SNX31: variants seen among roughly 807,000 people sequenced by gnomAD.
SNX31 encodes the protein sorting nexin-31.
Under a neutral mutation model 65.4 loss-of-function variants are expected in SNX31, and 58 were observed. The observed-to-expected ratio is 0.89, with a 90% CI of 0.72 to 1.10. SNX31 has a LOEUF of 1.10. Among genes scored for constraint, SNX31 ranks in the 50% least tolerant of loss-of-function variants. The pLI, the probability that SNX31 is intolerant of heterozygous loss-of-function variation, is 0.00. For missense variants in SNX31, 523 were observed against 529.7 expected (o/e 0.99, Z 0.12); for synonymous variants, 181 against 190.1 (o/e 0.95, Z 0.39).
chr8:100,607,771 T>A (rs961730257), intron 8 of SNX31, among the ~76,000 whole-genome samples: 1 of 152,226 alleles, frequency 6.6e-6, no homozygotes, highest in Non-Finnish European at 1.5e-5. Flanking sequence ...ATGTAACCCA[T>A]AAATATTATA....
rs750321853 is a variant in SNX31 at position 100,630,941 on chromosome 8, C to T, written c.257-550G>A. On this transcript the variant is annotated intron_variant, in intron 3 of 13. Coordinates refer to ENST00000311812, the MANE Select transcript of SNX31 (RefSeq NM_152628.4). The surrounding 1 kb of genome is among the most constrained non-coding windows in gnomAD (Gnocchi z 5.3). The stretch of plus-strand genomic sequence containing the variant: ...TAGCTGGGATTACAGGCACTCACCA[C>T]CATGCCCGGCTAATTTTTGTATTTT... Among the ~76,000 whole-genome samples the T allele has an allele frequency of 2.6e-5, 4 of 152,114 alleles. No homozygotes were observed. The highest frequency in any genetic ancestry group is 5.9e-5 in the Non-Finnish European group (4 of 68,030).
rs759634051 is a variant in SNX31, at chr8:100,600,424, T to C, written c.699A>G (p.Glu233=). 1.2e-6 allele frequency: 2 copies of C among 1,613,564 alleles called. No individual in the cohort carries two copies. Among genetic ancestry groups the C allele is most frequent in the Admixed American group, 1.7e-5 (1 of 59,924 alleles). The change falls in exon 9 of 14, where the codon GAA becomes GAG. Residue 233 remains glutamate (E), a synonymous_variant. Transcript: ENST00000311812. ...LLYMQAIQDI[E]KGWAKPTQAQ... The stretch of plus-strand genomic sequence containing the variant: ...CCTGTGTGGGTTTGGCCCATCCTTT[T>C]TCAATGTCCTGTATTGCCTTAAAAT...
chr8:100,594,247 T>A lies in SNX31; in HGVS notation c.978+2392A>T, dbSNP rs901527278. On this transcript the variant is annotated intron_variant, in intron 10 of 13. Coordinates refer to ENST00000311812, the MANE Select transcript of SNX31 (RefSeq NM_152628.4). This position sits in a 1 kb window ranked among gnomAD's most constrained non-coding sequence, Gnocchi z 4.0. The stretch of plus-strand genomic sequence containing the variant: ...TGAACCTGGGAGGTGGAGGCTGCAG[T>A]GAGCTGAAATTGCACCACTGCACTC... 2.0e-5 allele frequency among the ~76,000 whole-genome samples: 3 copies of A among 152,132 alleles called. No homozygotes were observed. The highest frequency in any genetic ancestry group is 7.2e-5 in the African/African-American group (3 of 41,416).
rs148183846 is a variant in SNX31 at position 100,591,413 on chromosome 8, C to T, written c.979-2434G>A. 8.6e-3 allele frequency among the ~76,000 whole-genome samples: 1,285 copies of T among 149,610 alleles called. 21 individuals are homozygous for T. Among genetic ancestry groups the T allele is most frequent in the African/African-American group, 0.029 (1,169 of 40,706 alleles). ...CTGAGGCAGGAGAACGGCTTGAACC[C>T]GGGAGGCGGAGCTTGCAGTGAGCCG... On this transcript the variant is annotated intron_variant, in intron 10 of 13. Coordinates refer to ENST00000311812, the MANE Select transcript of SNX31 (RefSeq NM_152628.4).
At position 100,635,967 on chromosome 8, in the gene SNX31, C is replaced by G. The variant is rs750577759; in HGVS notation, c.186G>C (p.Lys62Asn). The part of the protein sequence containing the change: ...FGNCLPPFPP[K>N]YYLAMTTAMA... ...TAGCTGTGGTCATTGCCAGATAGTA[C>G]TTTGGTGGGAAGGGTGGCAGGCAAT... The change falls in exon 3 of 14, where the codon AAG (lysine) becomes AAC (asparagine). Residue 62 changes from lysine to asparagine, a missense_variant. Transcript: ENST00000311812. The G allele has an allele frequency of 6.2e-7, 1 of 1,614,080 alleles. No homozygotes were observed. The highest frequency in any genetic ancestry group is 8.5e-7 in the Non-Finnish European group (1 of 1,180,012).
intron 9 of SNX31, among the ~76,000 whole-genome samples, chr8:100,598,869 A>G (rs1269176733): frequency 6.6e-6 from 1 of 152,228 alleles, no homozygotes; most frequent in Admixed American, 6.5e-5. Flanking sequence ...ACAATACATG[A>G]ATGAGTGATT....
At chr8:100,600,575 G>C (rs1815529073) in intron 8 of SNX31, 134 bp from the exon 9 acceptor site, 1 of 622,708 alleles carries the variant, frequency 1.6e-6, no homozygotes, top group Admixed American at 3.6e-5. Flanking sequence ...CATATTATAA[G>C]TCTTATTTTT....
chr8:100,603,688 G>A (rs1815866305), intron 8 of SNX31, among the ~76,000 whole-genome samples: 1 of 150,314 alleles, frequency 6.7e-6, no homozygotes, highest in Admixed American at 6.6e-5. Flanking sequence ...TCGGATGATT[G>A]GCCTGCCTTA....
chr8:100,587,493 C>A (rs576392323), intron 11 of SNX31, among the ~76,000 whole-genome samples: 12 of 152,120 alleles, frequency 7.9e-5, no homozygotes, highest in African/African-American at 2.7e-4. Context: ...GATTAGCTAC[C>A]CTGAACACAT....
intron 3 of SNX31, among the ~76,000 whole-genome samples, chr8:100,631,187 T>C (rs1818389575): frequency 6.6e-6 from 1 of 152,210 alleles, no homozygotes; most frequent in South Asian, 2.1e-4. Flanking sequence ...TCTTCTATAA[T>C]TAACAAAAAT....
intron 9 of SNX31, among the ~76,000 whole-genome samples, chr8:100,598,991 T>C (rs748859980): frequency 1.1e-4 from 16 of 152,264 alleles, no homozygotes; most frequent in Non-Finnish European, 2.4e-4. Context: ...TTCATTTCAC[T>C]TCCAAGTTTT....
chr8:100,616,768 G>C (rs936273687), intron 5 of SNX31, among the ~76,000 whole-genome samples: 3 of 152,202 alleles, frequency 2.0e-5, no homozygotes, highest in African/African-American at 7.2e-5. Context: ...CAGGCCCGAA[G>C]AGCTAGCAGC....
At chr8:100,615,441 A>G (rs1192756103) in intron 5 of SNX31, among the ~76,000 whole-genome samples, 1 of 152,212 alleles carries the variant, frequency 6.6e-6, no homozygotes, top group Non-Finnish European at 1.5e-5. Flanking sequence ...TTACTTAGAC[A>G]TTGTCTGTAA....
chr8:100,587,281 G>C (rs888308248), intron 11 of SNX31, among the ~76,000 whole-genome samples: 1 of 152,196 alleles, frequency 6.6e-6, no homozygotes. Context: ...AGATAAGAGA[G>C]ATATGGGTTG....
rs986161743 is a variant in SNX31, at chr8:100,610,440, A to G, written c.611+1560T>C. Among the ~76,000 whole-genome samples, 3 of 151,850 alleles carry G rather than the reference A, an allele frequency of 2.0e-5. No individual in the cohort carries two copies. The highest frequency in any genetic ancestry group is 4.4e-5 in the Non-Finnish European group (3 of 68,006). ...AACATGACCAAAACTTACTGAGCAT[A>G]TGGGACTATTTTACATAACTCTTGC... On this transcript the variant is annotated intron_variant, in intron 7 of 13. Coordinates refer to ENST00000311812, the MANE Select transcript of SNX31 (RefSeq NM_152628.4). The surrounding 1 kb of genome is among the most constrained non-coding windows in gnomAD (Gnocchi z 4.0).
chr8:100,601,260 A>C (rs1002931445), intron 8 of SNX31, among the ~76,000 whole-genome samples: 1 of 152,218 alleles, frequency 6.6e-6, no homozygotes, highest in African/African-American at 2.4e-5. Flanking sequence ...AAAATGGGTA[A>C]CTGAGTTTGG....
At position 100,625,410 on chromosome 8, in the gene SNX31, CA is replaced by C. The variant is rs1301763309; in HGVS notation, c.321+4916del. Among the ~76,000 whole-genome samples the C allele has an allele frequency of 1.3e-5, 2 of 151,664 alleles. No individual in the cohort carries two copies. The highest frequency in any genetic ancestry group is 2.9e-5 in the Non-Finnish European group (2 of 67,914). ...TTGGATGCGCACCATGGCTATTAGA[CA>C]TTCCTCTGCCTCAGAGCAGAATAGC... On this transcript the variant is annotated intron_variant, in intron 4 of 13. Coordinates refer to ENST00000311812, the MANE Select transcript of SNX31 (RefSeq NM_152628.4). The surrounding 1 kb of genome is among the most constrained non-coding windows in gnomAD (Gnocchi z 4.2).
chr8:100,652,929 G>C (rs1364674152), upstream of SNX31, among the ~76,000 whole-genome samples: 1 of 152,130 alleles, frequency 6.6e-6, no homozygotes, highest in Non-Finnish European at 1.5e-5. Flanking sequence ...CACCCCAACA[G>C]TCAAGGCTGT....
intron 5 of SNX31, among the ~76,000 whole-genome samples, chr8:100,616,786 G>A (rs919645789): frequency 2.6e-5 from 4 of 152,156 alleles, no homozygotes; most frequent in African/African-American, 9.7e-5. Flanking sequence ...AGCCAAAATG[G>A]GAGTGCTTCC....
Sources: gnomAD v4.1 joint callset for allele counts (sites outside exome capture counted in the v4.1 genomes callset) on GRCh38, gnomAD v4.1.1 for gene constraint, Gnocchi (gnomAD v3.1) non-coding constraint, MANE v1.5 for transcripts, NCBI Gene and HGNC (gene_info 2026-07-23, HGNC 2026-07-21) for gene names.